JAZF1: variants seen among roughly 807,000 people sequenced by gnomAD.
JAZF1 encodes juxtaposed with another zinc finger protein 1.
A neutral mutation model predicts 26.4 loss-of-function variants in JAZF1; 8 were observed. The observed-to-expected ratio is 0.30, with a 90% CI of 0.18 to 0.55. The LOEUF is 0.55. Ranked by LOEUF, JAZF1 falls within the 20% of genes least tolerant of loss-of-function variation. JAZF1 has a pLI of 0.94. For synonymous variants in JAZF1, 126 were observed against 122.3 expected (o/e 1.03, Z -0.20); for missense variants, 199 against 322.0 (o/e 0.62, Z 2.92).
chr7:27,943,522 C>T (rs147448884), intron 2 of JAZF1, among the ~76,000 whole-genome samples: 3 of 152,224 alleles, frequency 2.0e-5, no homozygotes, highest in African/African-American at 7.2e-5. Context: ...CCCGACACCT[C>T]GGGCCCACTT....
chr7:27,839,011 G>A (rs1480731623), intron 4 of JAZF1, among the ~76,000 whole-genome samples: 2 of 152,156 alleles, frequency 1.3e-5, no homozygotes, highest in African/African-American at 2.4e-5. Context: ...GAACGGAAGG[G>A]GGAAACTGCC....
intron 1 of JAZF1, among the ~76,000 whole-genome samples, chr7:28,073,170 C>T (rs1035126181): frequency 3.9e-5 from 6 of 152,174 alleles, no homozygotes. Context: ...CCTCTCCAAT[C>T]CCCTATGTTT....
chr7:27,906,573 CT>C (rs1486286536), intron 2 of JAZF1, among the ~76,000 whole-genome samples: 1 of 152,220 alleles, frequency 6.6e-6, no homozygotes, highest in Non-Finnish European at 1.5e-5. Context: ...GGCAATCACT[CT>C]TTAAAGTCAC....
At position 28,054,725 on chromosome 7, in the gene JAZF1, C is replaced by A. The variant is rs1276759852; in HGVS notation, c.116-62744G>T. 2.6e-5 allele frequency among the ~76,000 whole-genome samples: 4 copies of A among 152,130 alleles called. No individual in the cohort carries two copies. In the South Asian group the frequency reaches 6.2e-4, roughly 24 times the overall value. ...TCGTGTATCCCACTTAAAAAGTTAACGCAGGAAGAGGTGCAGACGCTGGTA... is the reference window on the plus strand; with the variant it reads ...TCGTGTATCCCACTTAAAAAGTTAAAGCAGGAAGAGGTGCAGACGCTGGTA... On this transcript the variant is annotated intron_variant, in intron 1 of 4. Coordinates refer to ENST00000283928, the MANE Select transcript of JAZF1 (RefSeq NM_175061.4).
chr7:27,901,634 C>T (rs1420383538), intron 2 of JAZF1, among the ~76,000 whole-genome samples: 1 of 150,780 alleles, frequency 6.6e-6, no homozygotes, highest in African/African-American at 2.4e-5. Context: ...CTGAAAACTC[C>T]AAGATGTGTG....
chr7:27,910,691 A>G (rs1470250789), intron 2 of JAZF1, among the ~76,000 whole-genome samples: 2 of 152,112 alleles, frequency 1.3e-5, no homozygotes, highest in African/African-American at 4.8e-5. Context: ...AACCAGGCAA[A>G]CCCTCTTTAA....
chr7:28,023,496 AT>A, intron 1 of JAZF1, among the ~76,000 whole-genome samples: 1 of 152,376 alleles, frequency 6.6e-6, no homozygotes, highest in Middle Eastern at 3.4e-3. Context: ...GAAATTCCAG[AT>A]TCCTGGTGTC....
At chr7:27,977,710 C>T (rs945405387) in intron 2 of JAZF1, among the ~76,000 whole-genome samples, 7 of 152,316 alleles carry the variant, frequency 4.6e-5, no homozygotes, top group African/African-American at 1.7e-4. Context: ...ACTTGCACCC[C>T]CTTTCTCTCC....
intron 2 of JAZF1, among the ~76,000 whole-genome samples, chr7:27,948,444 C>T: frequency 6.6e-6 from 1 of 152,086 alleles, no homozygotes; most frequent in East Asian, 1.9e-4. Context: ...CCAAATGAAG[C>T]ATTATTTTTT....
intron 1 of JAZF1, among the ~76,000 whole-genome samples, chr7:28,139,945 G>T (rs1039737698): frequency 2.3e-4 from 35 of 152,194 alleles, no homozygotes; most frequent in Admixed American, 7.9e-4. Context: ...TGGGGAACAG[G>T]GAAGAAGGCA....
At chr7:28,033,651 C>A (rs1783231420) in intron 1 of JAZF1, among the ~76,000 whole-genome samples, 2 of 152,172 alleles carry the variant, frequency 1.3e-5, no homozygotes, top group Admixed American at 1.3e-4. Context: ...GACAGCAACT[C>A]CCCTTTCTTT....
At chr7:27,985,488 G>T (rs1299260132) in intron 2 of JAZF1, among the ~76,000 whole-genome samples, 2 of 152,114 alleles carry the variant, frequency 1.3e-5, no homozygotes, top group African/African-American at 2.4e-5. Flanking sequence ...AAAAGTCCAG[G>T]ACCAGACAGA....
At chr7:27,936,572 T>C (rs1784765664) in intron 2 of JAZF1, among the ~76,000 whole-genome samples, 1 of 152,214 alleles carries the variant, frequency 6.6e-6, no homozygotes, top group African/African-American at 2.4e-5. Context: ...CAGCACACAC[T>C]CTCTGCATGC....
chr7:28,039,409 T>G (rs980230959), intron 1 of JAZF1, among the ~76,000 whole-genome samples: 10 of 151,822 alleles, frequency 6.6e-5, no homozygotes, highest in Non-Finnish European at 8.8e-5. Context: ...GTGTAACATG[T>G]TTTTGCCAAT....
intron 1 of JAZF1, among the ~76,000 whole-genome samples, chr7:27,993,155 T>C (rs1448762583): frequency 6.6e-6 from 1 of 152,238 alleles, no homozygotes; most frequent in African/African-American, 2.4e-5. Context: ...TTATTGTTTT[T>C]TCTATGCCAA....
At position 28,068,470 on chromosome 7, in the gene JAZF1, CTG is replaced by C. The variant is rs200462663; in HGVS notation, c.116-76491_116-76490del. Among the ~76,000 whole-genome samples, 651 of 152,278 alleles carry C rather than the reference CTG, an allele frequency of 4.3e-3. 10 individuals are homozygous for C. The highest frequency in any genetic ancestry group is 0.016 in the East Asian group (84 of 5,188). ...CCTAATTAACAGAATCTTTCCTAAA[CTG>C]TGCAAAGGCAAACTTCCCTGAAGAC... On this transcript the variant is annotated intron_variant, in intron 1 of 4. Coordinates refer to ENST00000283928, the MANE Select transcript of JAZF1 (RefSeq NM_175061.4).
At chr7:28,147,717 T>C (rs73300636) in intron 1 of JAZF1, among the ~76,000 whole-genome samples, 1,928 of 148,160 alleles carry the variant, frequency 0.013, 32 homozygotes, top group African/African-American at 0.045. Context: ...CATATATATA[T>C]ACACACAAAA....
chr7:27,998,077 G>GGCAA (rs1786058729), intron 1 of JAZF1, among the ~76,000 whole-genome samples: 2 of 151,596 alleles, frequency 1.3e-5, no homozygotes, highest in African/African-American at 4.8e-5. Context: ...AAGGAAGGCA[G>GGCAA]GCAGGCAGGC....
At chr7:28,119,424 C>A (rs1427029057) in intron 1 of JAZF1, among the ~76,000 whole-genome samples, 2 of 152,126 alleles carry the variant, frequency 1.3e-5, no homozygotes, top group African/African-American at 4.8e-5. Flanking sequence ...GCACCTCAGA[C>A]TGCAGGCATC....
Sources: gnomAD v4.1 joint callset for allele counts (sites outside exome capture counted in the v4.1 genomes callset) on GRCh38, gnomAD v4.1.1 for gene constraint, MANE v1.5 for transcripts, NCBI Gene and HGNC (gene_info 2026-07-23, HGNC 2026-07-21) for gene names.